The following SIPA1L1 variants were observed in gnomAD, a reference collection of about 807,000 sequenced individuals.
SIPA1L1 encodes signal induced proliferation associated 1 like 1.
In SIPA1L1, 26 loss-of-function variants were observed where a neutral mutation model predicts 162.7. The observed-to-expected ratio is 0.16, with a 90% CI of 0.12 to 0.22. SIPA1L1 has a LOEUF of 0.22. Among genes scored for constraint, SIPA1L1 ranks in the 10% least tolerant of loss-of-function variants. SIPA1L1 has a pLI of 1.00. For synonymous variants in SIPA1L1, 829 were observed against 837.4 expected (o/e 0.99, Z 0.17); for missense variants, 1,874 against 2,241.0 (o/e 0.84, Z 3.31).
At chr14:71,522,668 A>T (rs560306117) in intron 3 of SIPA1L1, among the ~76,000 whole-genome samples, 1 of 149,946 alleles carries the variant, frequency 6.7e-6, no homozygotes, top group East Asian at 1.9e-4. Context: ...TATTCACTCT[A>T]TCATCTAAGC....
At chr14:71,637,003 A>G (rs1457863009) in intron 7 of SIPA1L1, among the ~76,000 whole-genome samples, 1 of 150,182 alleles carries the variant, frequency 6.7e-6, no homozygotes, top group African/African-American at 2.4e-5. Flanking sequence ...GTGAGCTGAG[A>G]TGGCGCCACT....
chr14:71,322,224 A>G (rs760275937), intron 2 of SIPA1L1, among the ~76,000 whole-genome samples: 4 of 152,126 alleles, frequency 2.6e-5, no homozygotes, highest in Non-Finnish European at 5.9e-5. Context: ...TCTTAAAGCC[A>G]TTGTCTTTAT....
chr14:71,575,040 G>A (rs564427768), intron 4 of SIPA1L1: 1 of 152,094 alleles, frequency 6.6e-6, no homozygotes, highest in South Asian at 2.1e-4. Context: ...ATTTGTATAG[G>A]GCCTCTATTT....
intron 2 of SIPA1L1, among the ~76,000 whole-genome samples, chr14:71,483,348 C>T (rs2048494171): frequency 6.6e-6 from 1 of 152,150 alleles, no homozygotes; most frequent in Admixed American, 6.6e-5. Context: ...TTGCACTTTG[C>T]TCTTTGTGCG....
chr14:71,662,668 G>A lies in SIPA1L1; in HGVS notation c.2255+1201G>A, dbSNP rs375423889. 5.3e-5 allele frequency among the ~76,000 whole-genome samples: 8 copies of A among 152,254 alleles called. No individual in the cohort carries two copies. The East Asian group carries it at 1.4e-3, about 26-fold the overall frequency. On this transcript the variant is annotated intron_variant, in intron 10 of 23. Coordinates refer to ENST00000381232, the MANE Select transcript of SIPA1L1 (RefSeq NM_001386936.1). ...TTCACTCCGAGCTCCCAACACAGAG[G>A]CTGTTCCAGAACTTTTCAGGTGCTG...
intron 4 of SIPA1L1, among the ~76,000 whole-genome samples, chr14:71,539,670 T>TA (rs1488132840): frequency 6.6e-6 from 1 of 152,208 alleles, no homozygotes; most frequent in Non-Finnish European, 1.5e-5. Context: ...GTCGAGCTTT[T>TA]ATATAGAATA....
chr14:71,678,545 GT>G (rs1566632420), intron 12 of SIPA1L1, among the ~76,000 whole-genome samples: 1 of 152,188 alleles, frequency 6.6e-6, no homozygotes, highest in African/African-American at 2.4e-5. Context: ...CGGTTTGCCA[GT>G]ATTTTATTGA....
intron 2 of SIPA1L1, among the ~76,000 whole-genome samples, chr14:71,452,787 G>T (rs563551691): frequency 6.6e-6 from 1 of 152,190 alleles, no homozygotes; most frequent in Non-Finnish European, 1.5e-5. Context: ...GACTAAAGAG[G>T]ACTAGTGCTT....
At chr14:71,674,688 C>T (rs1416698399) in intron 12 of SIPA1L1, among the ~76,000 whole-genome samples, 1 of 151,062 alleles carries the variant, frequency 6.6e-6, no homozygotes, top group African/African-American at 2.4e-5. Flanking sequence ...CCTCAGCCTC[C>T]CAAGTAGCTG....
intron 14 of SIPA1L1, among the ~76,000 whole-genome samples, chr14:71,700,761 G>A (rs914839628): frequency 5.3e-5 from 8 of 152,028 alleles, no homozygotes; most frequent in South Asian, 2.1e-4. Context: ...TTGGGAGGCC[G>A]AGGCGGGCGG....
intron 3 of SIPA1L1, among the ~76,000 whole-genome samples, chr14:71,520,441 G>A (rs2052212602): frequency 6.6e-6 from 1 of 152,018 alleles, no homozygotes; most frequent in Non-Finnish European, 1.5e-5. Flanking sequence ...TACACACAGA[G>A]CACAGATCAT....
At chr14:71,706,817 T>C (rs563878396) in intron 16 of SIPA1L1, among the ~76,000 whole-genome samples, 1 of 152,170 alleles carries the variant, frequency 6.6e-6, no homozygotes, top group Admixed American at 6.5e-5. Context: ...GTGGATCGCT[T>C]GAGGTCAGGA....
At chr14:71,393,948 A>C (rs2040975182) in intron 2 of SIPA1L1, among the ~76,000 whole-genome samples, 1 of 152,214 alleles carries the variant, frequency 6.6e-6, no homozygotes, top group Admixed American at 6.5e-5. Flanking sequence ...GTCTACTAGA[A>C]AGTCACTTGT....
intron 2 of SIPA1L1, among the ~76,000 whole-genome samples, chr14:71,492,281 TG>T (rs1253780236): frequency 2.6e-5 from 4 of 152,070 alleles, no homozygotes; most frequent in African/African-American, 4.8e-5. Flanking sequence ...TTTAGAACTG[TG>T]GTGTTGTTTT....
intron 2 of SIPA1L1, among the ~76,000 whole-genome samples, chr14:71,510,177 CTTTTTTTTTTTT>C (rs985233367): frequency 2.6e-5 from 2 of 77,494 alleles, no homozygotes; most frequent in East Asian, 1.0e-3. Context: ...TCCCCCCCAC[CTTTTTTTTTTTT>C]TTTTTTTTTT....
rs2037990980 is a variant in SIPA1L1 at position 71,609,817 on chromosome 14, C to G, written c.1499-8940C>G. On this transcript the variant is annotated intron_variant, in intron 5 of 23. Transcript: ENST00000381232. ...CTGTTGCTCAGGCTGGTCTTGAACT[C>G]CTAGGCTCAAGCAGTCCTCCTACCT... 2.0e-5 allele frequency among the ~76,000 whole-genome samples: 3 copies of G among 152,026 alleles called. No individual in the cohort carries two copies. The South Asian group carries it at 6.2e-4, about 32-fold the overall frequency.
At chr14:71,569,481 A>T (rs371004630) in intron 4 of SIPA1L1, among the ~76,000 whole-genome samples, 2 of 152,210 alleles carry the variant, frequency 1.3e-5, no homozygotes, top group African/African-American at 4.8e-5. Flanking sequence ...TGTTCCCAGG[A>T]TGCTGGCAGT....
chr14:71,521,548 G>A (rs2052354966), intron 3 of SIPA1L1, among the ~76,000 whole-genome samples: 1 of 152,306 alleles, frequency 6.6e-6, no homozygotes. Flanking sequence ...CTACTTCATA[G>A]TAGAAGGACA....
intron 7 of SIPA1L1, among the ~76,000 whole-genome samples, chr14:71,649,676 T>A (rs897819086): frequency 1.3e-5 from 2 of 152,230 alleles, no homozygotes; most frequent in Non-Finnish European, 2.9e-5. Flanking sequence ...ATTAGCTGAT[T>A]TGCCATTGTG....
Sources: allele counts gnomAD v4.1 joint callset (sites outside exome capture counted in the v4.1 genomes callset), GRCh38; gene constraint gnomAD v4.1.1; transcripts MANE v1.5; gene names NCBI Gene and HGNC (gene_info 2026-07-23, HGNC 2026-07-21).